NAALADL2: variants seen among roughly 807,000 people sequenced by gnomAD.
The protein encoded by NAALADL2 is N-acetylated alpha-linked acidic dipeptidase like 2.
In NAALADL2, 76 loss-of-function variants were observed where a neutral mutation model predicts 87.2. That is an observed-to-expected ratio of 0.87 (90% CI 0.72 to 1.05). NAALADL2 has a LOEUF of 1.05. NAALADL2 is among the 50% of genes least tolerant of loss of function. The pLI is 0.00. For synonymous variants in NAALADL2, 354 were observed against 331.0 expected, an observed-to-expected ratio of 1.07 and a Z score of -0.75; for missense variants, 1,089 against 945.8, an observed-to-expected ratio of 1.15 and a Z score of -1.99.
intron 6 of NAALADL2, among the ~76,000 whole-genome samples, chr3:175,454,169 T>A (rs1049766863): frequency 6.6e-6 from 1 of 152,100 alleles, no homozygotes; most frequent in African/African-American, 2.4e-5. Context: ...CCCTTTCATT[T>A]AATGTGATTA....
chr3:175,610,375 A>G (rs535464401), intron 10 of NAALADL2, among the ~76,000 whole-genome samples: 1 of 152,196 alleles, frequency 6.6e-6, no homozygotes, highest in South Asian at 2.1e-4. Flanking sequence ...TACATGTTCA[A>G]TGTACAGATA....
chr3:175,603,686 G>T (rs1253975230), intron 10 of NAALADL2, among the ~76,000 whole-genome samples: 2 of 152,140 alleles, frequency 1.3e-5, no homozygotes, highest in Non-Finnish European at 2.9e-5. Flanking sequence ...TCCATTGCAT[G>T]TATAGGCTGC....
intron 1 of NAALADL2, among the ~76,000 whole-genome samples, chr3:174,482,753 T>C (rs952405631): frequency 1.3e-5 from 2 of 152,020 alleles, no homozygotes; most frequent in African/African-American, 4.8e-5. Context: ...ATATTTGAAT[T>C]GATTATCCTT....
At chr3:174,760,838 A>G (rs187314419) in intron 3 of NAALADL2, among the ~76,000 whole-genome samples, 3 of 152,336 alleles carry the variant, frequency 2.0e-5, no homozygotes, top group East Asian at 3.9e-4. Context: ...ATTCGGTTCA[A>G]TTACCTTAGT....
intron 2 of NAALADL2, among the ~76,000 whole-genome samples, chr3:174,610,744 G>T (rs1301112753): frequency 2.4e-5 from 2 of 82,616 alleles, no homozygotes; most frequent in Non-Finnish European, 4.2e-5. Context: ...CAACCATTGT[G>T]CAATCAGTGT....
Position 174,986,157 on chromosome 3 carries a change from A to G in NAALADL2, c.44-110633A>G, listed in dbSNP as rs145214784. 8.9e-3 allele frequency among the ~76,000 whole-genome samples: 1,351 copies of G among 151,398 alleles called. 10 individuals are homozygous for G. Among genetic ancestry groups the G allele is most frequent in the Middle Eastern group, 0.024 (7 of 286 alleles). On this transcript the variant is annotated intron_variant, in intron 1 of 13. Coordinates refer to ENST00000454872, the MANE Select transcript of NAALADL2 (RefSeq NM_207015.3). ...AGCAATCAAGATTGCACCTCTCTGC[A>G]TCATATATACAAATTTCTGATTACA...
intron 2 of NAALADL2, among the ~76,000 whole-genome samples, chr3:175,142,891 T>G (rs938440649): frequency 2.6e-5 from 4 of 151,992 alleles, no homozygotes; most frequent in Non-Finnish European, 5.9e-5. Context: ...CTGTAGGATA[T>G]TTTTGTACTT....
At chr3:175,533,218 C>G (rs574058417) in intron 9 of NAALADL2, among the ~76,000 whole-genome samples, 1 of 152,332 alleles carries the variant, frequency 6.6e-6, no homozygotes, top group African/African-American at 2.4e-5. Flanking sequence ...AATATACATT[C>G]CCATGCCTGT....
rs1243645548 is a variant in NAALADL2 at position 175,335,329 on chromosome 3, G to T, written c.1090+11004G>T. The stretch of plus-strand genomic sequence containing the variant: ...CAAGCAAAATTCCGTTGGAATGAGT[G>T]CTGCAGAATAAATAGATGTCTAAAA... On this transcript the variant is annotated intron_variant, in intron 5 of 13. Transcript: ENST00000454872. 2.0e-5 allele frequency among the ~76,000 whole-genome samples: 3 copies of T among 152,178 alleles called. 1 individual carries two copies. The highest frequency in any genetic ancestry group is 4.4e-5 in the Non-Finnish European group (3 of 68,028).
At chr3:175,330,856 T>C (rs1359277328) in intron 5 of NAALADL2, among the ~76,000 whole-genome samples, 2 of 151,830 alleles carry the variant, frequency 1.3e-5, no homozygotes, top group African/African-American at 2.4e-5. Flanking sequence ...AAAACAGCAA[T>C]AAACAGAAAG....
chr3:175,300,450 T>A (rs1479779066), intron 4 of NAALADL2, among the ~76,000 whole-genome samples: 1 of 152,214 alleles, frequency 6.6e-6, no homozygotes, highest in African/African-American at 2.4e-5. Flanking sequence ...GGATAATTAC[T>A]GCCTCAATTT....
intron 2 of NAALADL2, among the ~76,000 whole-genome samples, chr3:174,689,400 T>TTTTA (rs1487063775): frequency 4.0e-5 from 6 of 151,668 alleles, no homozygotes; most frequent in African/African-American, 1.5e-4. Flanking sequence ...GCTTCACCTT[T>TTTTA]TTTTTACCAG....
chr3:175,007,150 T>TA (rs397877957), intron 1 of NAALADL2, among the ~76,000 whole-genome samples: 4,163 of 70,294 alleles, frequency 0.059, 151 homozygotes, highest in African/African-American at 0.11. Flanking sequence ...TTTTATAGGA[T>TA]AAAAAAAAAA....
chr3:174,596,584 C>T (rs183008006), intron 2 of NAALADL2, among the ~76,000 whole-genome samples: 15 of 152,294 alleles, frequency 9.8e-5, no homozygotes, highest in African/African-American at 2.6e-4. Context: ...TCCAAGTGAT[C>T]CTTCTAGTCT....
chr3:174,466,591 G>A (rs760891596), intron 1 of NAALADL2, among the ~76,000 whole-genome samples: 3 of 152,148 alleles, frequency 2.0e-5, no homozygotes, highest in Non-Finnish European at 4.4e-5. Context: ...TTTGTACTAG[G>A]AGACAATTAA....
At chr3:175,256,258 A>G (rs1260111027) in intron 3 of NAALADL2, among the ~76,000 whole-genome samples, 153 bp from the exon 4 acceptor site, 2 of 152,186 alleles carry the variant, frequency 1.3e-5, no homozygotes, top group African/African-American at 4.8e-5. Context: ...TAGAAAGGTC[A>G]TGTTTATGGT....
At chr3:175,588,424 G>A (rs916455177) in intron 10 of NAALADL2, among the ~76,000 whole-genome samples, 7 of 151,256 alleles carry the variant, frequency 4.6e-5, no homozygotes, top group African/African-American at 1.7e-4. Context: ...GGTATAAAAA[G>A]AAGTAAGAAG....
chr3:175,680,307 T>C (rs1430214260), intron 11 of NAALADL2, among the ~76,000 whole-genome samples: 3 of 152,212 alleles, frequency 2.0e-5, no homozygotes, highest in South Asian at 2.1e-4. Flanking sequence ...CTCTCAAAAA[T>C]AATGTGTATG....
chr3:174,527,476 G>A lies in NAALADL2; in HGVS notation c.-183-23093G>A, dbSNP rs149417842. On this transcript the variant is annotated intron_variant, in intron 1 of 3. Coordinates refer to the NAALADL2 transcript ENST00000434257. ...AGAGGTTGCAATGAGCTGAGATTGC[G>A]CCATTGCACTCTAGCCTGGGCAACA... 9.9e-3 allele frequency among the ~76,000 whole-genome samples: 1,487 copies of A among 149,898 alleles called. 23 individuals carry two copies. The highest frequency in any genetic ancestry group is 0.046 in the East Asian group (231 of 5,056).
Sources: gnomAD v4.1 joint callset for allele counts (sites outside exome capture counted in the v4.1 genomes callset) on GRCh38, gnomAD v4.1.1 for gene constraint, MANE v1.5 for transcripts, NCBI Gene and HGNC (gene_info 2026-07-23, HGNC 2026-07-21) for gene names.